The following IL17RA variants were observed in gnomAD, a reference collection of about 807,000 sequenced individuals.
IL17RA encodes the protein interleukin 17 receptor A.
IL17RA carries 34 observed loss-of-function variants against 50.4 expected under a neutral mutation model. The ratio of observed to expected loss-of-function variants is 0.67; its 90% confidence interval spans 0.51 to 0.90. The LOEUF (loss-of-function observed/expected upper bound fraction) is 0.90. Among genes scored for constraint, IL17RA ranks in the 40% least tolerant of loss-of-function variants. The pLI, the probability that IL17RA is intolerant of heterozygous loss-of-function variation, is 0.00. For missense variants in IL17RA, 1,276 were observed against 1,169.8 expected (o/e 1.09, Z -1.32); for synonymous variants, 585 against 510.4 (o/e 1.15, Z -1.97).
chr22:17,089,162 A>G (rs1026680546), intron 1 of IL17RA, among the ~76,000 whole-genome samples: 14 of 150,334 alleles, frequency 9.3e-5, no homozygotes, highest in African/African-American at 3.4e-4. Flanking sequence ...CGAACTCTTT[A>G]TCTGCCCACC....
rs1297016157 is a variant in IL17RA at position 17,085,164 on chromosome 22, G to C, written c.73G>C (p.Val25Leu). The change falls in exon 1 of 13, where the codon GTG becomes CTG. Residue 25 changes from valine (V) to leucine (L), a missense_variant. Transcript: ENST00000319363. The stretch of plus-strand genomic sequence containing the variant: ...GGGGCTGCTCCTGCTGCTCCTGGGC[G>C]TGCTGGCCCCGGGTGGCGCCTCCCT... ...LLGLLLLLLG[V>L]LAPGGASLRL... is the part of the protein sequence containing the mutation. 18 of 1,522,150 alleles carry C rather than the reference G, an allele frequency of 1.2e-5. 1 individual carries two copies. The African/African-American group carries it at 2.5e-4, about 21-fold the overall frequency. The allele number at this position is 1,522,150 out of a possible 1,614,324, so 94.3% of individuals were successfully genotyped here. A position where few individuals can be genotyped will look rare whatever the true frequency, so the allele number is the denominator to read the frequency against.
chr22:17,099,329 C>T (rs537520287), intron 4 of IL17RA, among the ~76,000 whole-genome samples: 317 of 152,296 alleles, frequency 2.1e-3, no homozygotes, highest in Admixed American at 3.3e-3. Context: ...ATGAGCACTA[C>T]AACAGCTTAG....
chr22:17,106,142 T>G (rs2061413892), intron 11 of IL17RA, among the ~76,000 whole-genome samples, 188 bp downstream of exon 11: 1 of 152,260 alleles, frequency 6.6e-6, no homozygotes, highest in Non-Finnish European at 1.5e-5. Context: ...CATGTGCTAT[T>G]TGCACAGTAT....
chr22:17,097,771 G>C, intron 2 of IL17RA, 26 bp from the exon 3 acceptor site: 1 of 1,613,880 alleles, frequency 6.2e-7, no homozygotes, highest in South Asian at 1.1e-5. Context: ...ATAAGTCTCT[G>C]AATGTTGCTT....
At position 17,098,942 on chromosome 22, in the gene IL17RA, T is replaced by C. The variant is rs563077696; in HGVS notation, c.423+55T>C. On this transcript the variant is annotated intron_variant, in intron 4 of 12. Coordinates refer to ENST00000319363, the MANE Select transcript of IL17RA (RefSeq NM_014339.7). The stretch of plus-strand genomic sequence containing the variant: ...TTCCACTGATGACACCAGTACAGAC[T>C]TCTTGTCCCCAAATTCAGACCCTGA... 5.0e-6 allele frequency: 7 copies of C among 1,404,634 alleles called. No homozygotes were observed. In the South Asian group the frequency reaches 8.1e-5, roughly 16 times the overall value. The allele number at this position is 1,404,634 out of a possible 1,614,324, so 87.0% of individuals were successfully genotyped here.
chr22:17,108,812 G>A lies in IL17RA; in HGVS notation c.1593G>A (p.Glu531=). The A allele has an allele frequency of 6.2e-7, 1 of 1,607,574 alleles. No homozygotes were observed. The highest frequency in any genetic ancestry group is 1.7e-5 in the Admixed American group (1 of 59,170). ...ACCCGCTCATGGACAGGTTCGAGGA[G>A]GTGTACTTCCGCATCCAGGACCTGG... ...PRYPLMDRFE[E]VYFRIQDLEM... is the part of the protein sequence containing the mutation. The change falls in exon 13 of 13, where the codon GAG becomes GAA. Residue 531 remains glutamate (E), a synonymous_variant. Coordinates refer to ENST00000319363, the MANE Select transcript of IL17RA (RefSeq NM_014339.7).
Position 17,111,645 on chromosome 22 carries a change from G to C in IL17RA, c.*1825G>C, listed in dbSNP as rs1285632504. 3 of 152,140 alleles carry C rather than the reference G, an allele frequency of 2.0e-5. No homozygotes were observed. The highest frequency in any genetic ancestry group is 4.4e-5 in the Non-Finnish European group (3 of 68,040). 9.4% of individuals were successfully genotyped at this position (152,140 alleles called of 1,614,324 possible). On this transcript the variant is annotated 3_prime_UTR_variant, in exon 13 of 13. Transcript: ENST00000319363. ...TAGGGTGCCCTTCATTCCTATGCCT[G>C]AGTCCTTAACTATATTTCCAACCTC...
rs778548360 is a variant in IL17RA, at chr22:17,108,401, G to A, written c.1182G>A (p.Val394=). 2.5e-6 allele frequency: 4 copies of A among 1,614,078 alleles called. No individual in the cohort carries two copies. The South Asian group carries it at 3.3e-5, about 13-fold the overall frequency. ...CCGACCACCCCCTCTACGTGGACGT[G>A]GTCCTGAAATTCGCCCAGTTCCTGC... ...YSADHPLYVD[V]VLKFAQFLLT... The change falls in exon 13 of 13, where the codon GTG becomes GTA. Residue 394 remains valine, a synonymous_variant. Transcript: ENST00000319363.
chr22:17,086,372 GA>G (rs35941988), intron 1 of IL17RA, among the ~76,000 whole-genome samples: 121,472 of 147,622 alleles, frequency 0.82, 50,459 homozygotes, highest in African/African-American at 0.93. Context: ...CTATGTCGCA[GA>G]AAAAAAAAAA....
Position 17,108,452 on chromosome 22 carries a change from C to G in IL17RA, c.1233C>G (p.Ala411=), listed in dbSNP as rs552425210. The part of the protein sequence containing the change: ...FLLTACGTEV[A]LDLLEEQAIS... Reference sequence around the variant, plus strand: ...TCACCGCCTGCGGCACGGAAGTGGCCCTGGACCTGCTGGAAGAGCAGGCCA... The same window carrying G: ...TCACCGCCTGCGGCACGGAAGTGGCGCTGGACCTGCTGGAAGAGCAGGCCA... Residue 411 remains alanine (A), a synonymous_variant, in exon 13 of 13, where the codon GCC becomes GCG. Coordinates refer to ENST00000319363, the MANE Select transcript of IL17RA (RefSeq NM_014339.7). 3 of 1,613,878 alleles carry G rather than the reference C, an allele frequency of 1.9e-6. No individual in the cohort carries two copies. The highest frequency in any genetic ancestry group is 2.2e-5 in the South Asian group (2 of 91,080).
Position 17,112,139 on chromosome 22 carries a change from C to G in IL17RA, c.*2319C>G, listed in dbSNP as rs2061445823. 1 of 149,540 alleles carries G rather than the reference C, an allele frequency of 6.7e-6. No homozygotes were observed. The highest frequency in any genetic ancestry group is 6.6e-5 in the Admixed American group (1 of 15,080). 9.3% of individuals were successfully genotyped at this position (149,540 alleles called of 1,614,324 possible). ...CCAGAGTACAGGATACCACAATGCA[C>G]TCTTCCTGCGTAGAGCACATGTTCC... On this transcript the variant is annotated 3_prime_UTR_variant, in exon 13 of 13. Coordinates refer to ENST00000319363, the MANE Select transcript of IL17RA (RefSeq NM_014339.7).
At position 17,097,840 on chromosome 22, in the gene IL17RA, C is replaced by G. The variant is rs1450771800; in HGVS notation, c.207C>G (p.Thr69=). The change falls in exon 3 of 13, where the codon ACC becomes ACG. Residue 69 remains threonine, a synonymous_variant. Transcript: ENST00000319363. ...DDSWIHPRNL[T]PSSPKDLQIQ... ...GCTGGATTCACCCTCGAAACCTGACCCCCTCCTCCCCAAAGGACCTGCAGA... is the reference window on the plus strand; with the variant it reads ...GCTGGATTCACCCTCGAAACCTGACGCCCTCCTCCCCAAAGGACCTGCAGA... 2 of 1,614,188 alleles carry G rather than the reference C, an allele frequency of 1.2e-6. No individual in the cohort carries two copies. Among genetic ancestry groups the G allele is most frequent in the Non-Finnish European group, 1.7e-6 (2 of 1,180,036 alleles).
At chr22:17,099,765 A>G (rs1451980151) in intron 4 of IL17RA, among the ~76,000 whole-genome samples, 1 of 152,140 alleles carries the variant, frequency 6.6e-6, no homozygotes, top group Non-Finnish European at 1.5e-5. Context: ...GGTAACTAGA[A>G]TGGGGGTTGG....
intron 10 of IL17RA, 125 bp from the exon 11 acceptor site, chr22:17,105,728 G>T: frequency 1.4e-6 from 2 of 1,392,696 alleles, no homozygotes; most frequent in Admixed American, 1.7e-5. Flanking sequence ...GGTGGGGGGT[G>T]AGACCATGGT....
Position 17,110,121 on chromosome 22 carries a change from G to C in IL17RA, c.*301G>C. The C allele has an allele frequency of 2.3e-6, 1 of 432,690 alleles. No homozygotes were observed. Among genetic ancestry groups the C allele is most frequent in the Non-Finnish European group, 4.3e-6 (1 of 235,212 alleles). 26.8% of individuals were successfully genotyped at this position (432,690 alleles called of 1,614,324 possible). A position where few individuals can be genotyped will look rare whatever the true frequency, so the allele number is the denominator to read the frequency against. On this transcript the variant is annotated 3_prime_UTR_variant, in exon 13 of 13. Coordinates refer to ENST00000319363, the MANE Select transcript of IL17RA (RefSeq NM_014339.7). Reference sequence around the variant, plus strand: ...TTATTGTGCACCTACTATGTGGCGGGCATTTGGGATACCAAGATAAATTGC... The same window carrying C: ...TTATTGTGCACCTACTATGTGGCGGCCATTTGGGATACCAAGATAAATTGC...
Position 17,109,133 on chromosome 22 carries a change from G to C in IL17RA, c.1914G>C (p.Leu638=). Residue 638 remains leucine, a synonymous_variant, in exon 13 of 13, where the codon CTG becomes CTC. Coordinates refer to ENST00000319363, the MANE Select transcript of IL17RA (RefSeq NM_014339.7). The part of the protein sequence containing the change: ...GSQACLAIDP[L]VGEEGGAAVA... Reference sequence around the variant, plus strand: ...AGGCCTGCCTGGCCATAGACCCGCTGGTCGGGGAGGAAGGAGGAGCAGCAG... The same window carrying C: ...AGGCCTGCCTGGCCATAGACCCGCTCGTCGGGGAGGAAGGAGGAGCAGCAG... The C allele has an allele frequency of 6.5e-7, 1 of 1,541,912 alleles. No homozygotes were observed. The highest frequency in any genetic ancestry group is 8.7e-7 in the Non-Finnish European group (1 of 1,150,686).
chr22:17,107,664 T>C (rs2061419802), intron 11 of IL17RA, 63 bp from the exon 12 acceptor site: 1 of 1,405,050 alleles, frequency 7.1e-7, no homozygotes, highest in South Asian at 1.2e-5. Flanking sequence ...GCAGACACCC[T>C]GTGAGCTGGT....
intron 7 of IL17RA, among the ~76,000 whole-genome samples, chr22:17,103,157 T>G (rs572485265): frequency 1.3e-5 from 2 of 151,982 alleles, no homozygotes; most frequent in East Asian, 1.9e-4. Flanking sequence ...AAAAAAGAAA[T>G]AAAGGTAATA....
intron 11 of IL17RA, among the ~76,000 whole-genome samples, chr22:17,107,177 C>G (rs2061418046): frequency 1.3e-5 from 2 of 152,126 alleles, no homozygotes; most frequent in African/African-American, 4.8e-5. Flanking sequence ...GGAAATGTTG[C>G]AAGCAGCCTG....
Sources: gnomAD v4.1 joint callset for allele counts (sites outside exome capture counted in the v4.1 genomes callset) on GRCh38, gnomAD v4.1.1 for gene constraint, MANE v1.5 for transcripts, NCBI Gene and HGNC (gene_info 2026-07-23, HGNC 2026-07-21) for gene names.